Variants in WWOX observed in about 807,000 individuals in gnomAD.
WWOX encodes WW domain containing oxidoreductase, also known as WW domain-containing oxidoreductase.
A neutral mutation model predicts 46.2 loss-of-function variants in WWOX; 69 were observed. The observed-to-expected ratio is 1.49, with a 90% CI of 1.23 to 1.82. The LOEUF is 1.82. Among genes scored for constraint, WWOX ranks in the 40% most tolerant of loss-of-function variants. The probability of loss-of-function intolerance (pLI) is 0.00; values close to 1 mark genes in which losing one functional copy is unlikely to be tolerated. For missense variants in WWOX, 919 were observed against 542.6 expected (o/e 1.69, Z -6.89); for synonymous variants, 359 against 202.6 (o/e 1.77, Z -6.56).
rs141355275 is a variant in WWOX at position 78,348,051 on chromosome 16, C to T, written c.517-38809C>T. ...AAAATATACCTTTCTGCTTCCATCC[C>T]CTAACCCACAAAGCTCAAGTCTAGT... On this transcript the variant is annotated intron_variant, in intron 5 of 8. Transcript: ENST00000566780. Among the ~76,000 whole-genome samples, 8 of 122,262 alleles carry T rather than the reference C, an allele frequency of 6.5e-5. No individual in the cohort carries two copies. In the East Asian group the frequency reaches 1.2e-3, roughly 18 times the overall value. 80.2% of individuals were successfully genotyped at this position (122,262 alleles called of 152,430 possible).
chr16:78,390,663 G>A (rs1009780045), intron 6 of WWOX, among the ~76,000 whole-genome samples: 1 of 152,198 alleles, frequency 6.6e-6, no homozygotes, highest in Non-Finnish European at 1.5e-5. Flanking sequence ...TTTAGTACTT[G>A]CAGGTCTTTC....
intron 5 of WWOX, among the ~76,000 whole-genome samples, chr16:78,353,346 G>A (rs1439419468): frequency 2.0e-5 from 3 of 152,188 alleles, no homozygotes; most frequent in Admixed American, 1.3e-4. Flanking sequence ...TTGGCCAGAA[G>A]CTATGAACAG....
intron 8 of WWOX, among the ~76,000 whole-genome samples, chr16:78,849,930 G>T (rs1054943913): frequency 2.0e-5 from 3 of 152,046 alleles, no homozygotes; most frequent in East Asian, 1.9e-4. Flanking sequence ...AAATTAGCCG[G>T]GTGTGATGGC....
intron 8 of WWOX, among the ~76,000 whole-genome samples, chr16:79,161,708 G>A (rs982683109): frequency 6.6e-6 from 1 of 152,018 alleles, no homozygotes; most frequent in African/African-American, 2.4e-5. Flanking sequence ...TAGTAGAGAT[G>A]GGGTTTCACC....
At chr16:78,385,712 C>A (rs566248060) in intron 5 of WWOX, among the ~76,000 whole-genome samples, 1 of 152,280 alleles carries the variant, frequency 6.6e-6, no homozygotes, top group South Asian at 2.1e-4. Context: ...CCCTTCATAG[C>A]CTTACAGGTA....
intron 8 of WWOX, among the ~76,000 whole-genome samples, chr16:78,581,126 C>T (rs1597301289): frequency 1.3e-5 from 2 of 151,844 alleles, no homozygotes; most frequent in East Asian, 3.9e-4. Context: ...GTTGTATATC[C>T]TTAATGCGCA....
chr16:78,955,613 T>G (rs905724092), intron 8 of WWOX, among the ~76,000 whole-genome samples: 1 of 152,058 alleles, frequency 6.6e-6, no homozygotes, highest in Non-Finnish European at 1.5e-5. Context: ...TTTTATATTT[T>G]TTTTATTTTC....
intron 8 of WWOX, among the ~76,000 whole-genome samples, chr16:79,165,180 C>T (rs2050568436): frequency 6.6e-6 from 1 of 151,960 alleles, no homozygotes; most frequent in South Asian, 2.1e-4. Flanking sequence ...GATAAATCTC[C>T]CTGGACATGA....
intron 5 of WWOX, among the ~76,000 whole-genome samples, chr16:78,328,920 G>T (rs545111028): frequency 6.6e-6 from 1 of 152,020 alleles, no homozygotes; most frequent in African/African-American, 2.4e-5. Flanking sequence ...GGAGTGCAGT[G>T]GTGCGATCTC....
chr16:78,856,804 A>G (rs1463825960), intron 8 of WWOX, among the ~76,000 whole-genome samples: 1 of 152,196 alleles, frequency 6.6e-6, no homozygotes, highest in African/African-American at 2.4e-5. Flanking sequence ...TACAGTCATC[A>G]TTGCTTAGAG....
At position 78,616,190 on chromosome 16, in the gene WWOX, G is replaced by A. The variant is rs549919372; in HGVS notation, c.1056+183438G>A. Reference sequence around the variant, plus strand: ...CCCTGCCATGTGTATGCATTCCCACGGCCACACAAGCACACACACACTTTT... The same window carrying A: ...CCCTGCCATGTGTATGCATTCCCACAGCCACACAAGCACACACACACTTTT... On this transcript the variant is annotated intron_variant, in intron 8 of 8. Coordinates refer to ENST00000566780, the MANE Select transcript of WWOX (RefSeq NM_016373.4). 5.9e-5 allele frequency among the ~76,000 whole-genome samples: 9 copies of A among 151,624 alleles called. No individual in the cohort carries two copies. The South Asian group carries it at 1.0e-3, about 18-fold the overall frequency.
At chr16:78,177,724 T>C (rs1192155426) in intron 5 of WWOX, among the ~76,000 whole-genome samples, 1 of 151,962 alleles carries the variant, frequency 6.6e-6, no homozygotes, top group Non-Finnish European at 1.5e-5. Flanking sequence ...TGAGTCTGAG[T>C]GGTGGTGATA....
intron 8 of WWOX, among the ~76,000 whole-genome samples, chr16:78,919,914 C>T (rs530031610): frequency 6.6e-6 from 1 of 152,176 alleles, no homozygotes; most frequent in South Asian, 2.1e-4. Context: ...TATTAATGAC[C>T]ACTTCTGAGC....
At chr16:78,510,105 C>G (rs893990778) in intron 8 of WWOX, among the ~76,000 whole-genome samples, 1 of 151,674 alleles carries the variant, frequency 6.6e-6, no homozygotes, top group Non-Finnish European at 1.5e-5. Flanking sequence ...CTGTCTCTCT[C>G]GGAAATATTC....
chr16:78,670,678 A>G (rs1077964), intron 8 of WWOX, among the ~76,000 whole-genome samples: 1 of 151,872 alleles, frequency 6.6e-6, no homozygotes, highest in African/African-American at 2.4e-5. Context: ...TTAAAAAAAA[A>G]TTTTTATTTA....
In WWOX at chr16:79,001,721, G is replaced by A. The variant is rs150985437; in HGVS notation, c.1057-209887G>A. The stretch of plus-strand genomic sequence containing the variant: ...ACCTCAGGCATGAAGGGAGGGGAGA[G>A]AGGGGGAAATGTGGAGGAAGGGGGC... On this transcript the variant is annotated intron_variant, in intron 8 of 8. Transcript: ENST00000566780. Among the ~76,000 whole-genome samples the A allele has an allele frequency of 9.9e-5, 15 of 151,878 alleles. No individual in the cohort carries two copies. The East Asian group carries it at 2.3e-3, about 24-fold the overall frequency.
intron 8 of WWOX, among the ~76,000 whole-genome samples, chr16:78,738,088 G>C (rs914693627): frequency 2.6e-5 from 4 of 152,140 alleles, no homozygotes; most frequent in Admixed American, 2.6e-4. Context: ...CTTCCAGAAA[G>C]CTAGAGGTTC....
intron 8 of WWOX, among the ~76,000 whole-genome samples, chr16:78,977,665 TAAAGG>T (rs1485928602): frequency 2.0e-5 from 3 of 151,840 alleles, no homozygotes; most frequent in Non-Finnish European, 4.4e-5. Flanking sequence ...AAGAAGTGCT[TAAAGG>T]AAAGGAGGTT....
intron 6 of WWOX, among the ~76,000 whole-genome samples, chr16:78,396,070 C>G (rs1264926007): frequency 2.0e-5 from 3 of 152,092 alleles, no homozygotes; most frequent in African/African-American, 4.8e-5. Context: ...ACTTTTTTTG[C>G]CCTCACCTCA....
Sources: gnomAD v4.1 joint callset for allele counts (sites outside exome capture counted in the v4.1 genomes callset) on GRCh38, gnomAD v4.1.1 for gene constraint, MANE v1.5 for transcripts, NCBI Gene and HGNC (gene_info 2026-07-23, HGNC 2026-07-21) for gene names.